The following CSF2RA variants were observed in gnomAD, a reference collection of about 807,000 sequenced individuals.
CSF2RA encodes the protein granulocyte-macrophage colony-stimulating factor receptor subunit alpha.
Under a neutral mutation model 51.6 loss-of-function variants are expected in CSF2RA, and 42 were observed. The observed-to-expected ratio is 0.81, with a 90% CI of 0.64 to 1.05. CSF2RA has a LOEUF of 1.05. Among genes scored for constraint, CSF2RA ranks in the 50% least tolerant of loss-of-function variants. The pLI, the probability that CSF2RA is intolerant of heterozygous loss-of-function variation, is 0.00. For missense variants in CSF2RA, 530 were observed against 501.1 expected, an observed-to-expected ratio of 1.06 and a Z score of -0.55; for synonymous variants, 222 against 193.0, an observed-to-expected ratio of 1.15 and a Z score of -1.24.
At chrX:1,286,082 G>A (rs1208686575) in intron 4 of CSF2RA, among the ~76,000 whole-genome samples, 162 bp downstream of exon 4, 1 of 152,062 alleles carries the variant, frequency 6.6e-6, no homozygotes, top group Non-Finnish European at 1.5e-5. Flanking sequence ...AGACCAGCCT[G>A]ACCAACATGG....
intron 2 of CSF2RA, among the ~76,000 whole-genome samples, chrX:1,280,418 C>G (rs2089744485): frequency 6.7e-6 from 1 of 149,824 alleles, no homozygotes; most frequent in Non-Finnish European, 1.5e-5. Context: ...TTGCAGTGAG[C>G]CAAGATTGCA....
Position 1,288,877 on chromosome X carries a change from A to G in CSF2RA, c.462A>G (p.Ile154Met). ...GTGACGTCCAGTATTTTTTGTACAT[A>G]CGAAACTCAAAGTAAGTGTTCACCT... ...APRDVQYFLY[I>M]RNSKRRREIR... Residue 154 changes from isoleucine to methionine, a missense_variant, in exon 6 of 13, where the codon ATA becomes ATG. By Grantham distance (10) the Ile-to-Met change is conservative (BLOSUM62 1). Coordinates refer to ENST00000381529, the MANE Select transcript of CSF2RA (RefSeq NM_172245.4). 1 of 1,606,244 alleles carries G rather than the reference A, an allele frequency of 6.2e-7. No homozygotes were observed. Among genetic ancestry groups the G allele is most frequent in the Non-Finnish European group, 8.5e-7 (1 of 1,176,410 alleles).
chrX:1,275,135 G>A (rs371977515), intron 2 of CSF2RA, among the ~76,000 whole-genome samples: 97 of 150,968 alleles, frequency 6.4e-4, no homozygotes, highest in African/African-American at 2.4e-3. Flanking sequence ...GCTCAAGCCT[G>A]TAATCCCAGC....
chrX:1,306,160 T>C (rs1329367133), intron 12 of CSF2RA, among the ~76,000 whole-genome samples: 1 of 148,510 alleles, frequency 6.7e-6, no homozygotes, highest in Non-Finnish European at 1.5e-5. Context: ...GGGAGAGAGA[T>C]GGAGGAGAGA....
intron 11 of CSF2RA, among the ~76,000 whole-genome samples, chrX:1,304,330 G>A: frequency 2.0e-5 from 2 of 97,866 alleles, no homozygotes; most frequent in Non-Finnish European, 1.9e-5. Flanking sequence ...AACCCGGGAG[G>A]TGGAGGTTGC....
chrX:1,301,895 C>T (rs28431150), intron 10 of CSF2RA, among the ~76,000 whole-genome samples: 18,180 of 147,174 alleles, frequency 0.12, 1,325 homozygotes, highest in Non-Finnish European at 0.17. Flanking sequence ...CGTGAGCCAC[C>T]GTGCCCGGCC....
rs758219814 is a variant in CSF2RA at position 1,304,013 on chromosome X, T to A, written c.1037T>A (p.Phe346Tyr). ...TGTGGCATCGTCCTCGGCTTCCTCT[T>A]TAAAAGGTAACCTGTGAAACACCTG... ...LVCGIVLGFLFKRFLRIQRLF... is the reference protein window; with the variant it reads ...LVCGIVLGFLYKRFLRIQRLF... The change falls in exon 11 of 13, where the codon TTT becomes TAT. Residue 346 changes from phenylalanine to tyrosine, a missense_variant. Transcript: ENST00000381529. The A allele has an allele frequency of 1.9e-6, 3 of 1,612,228 alleles. No homozygotes were observed. In the Admixed American group the frequency reaches 5.0e-5, roughly 27 times the overall value.
chrX:1,294,574 G>A (rs1488598116), intron 8 of CSF2RA, 113 bp downstream of exon 8: 19 of 1,401,520 alleles, frequency 1.4e-5, no homozygotes, highest in Admixed American at 7.3e-5. Flanking sequence ...CGTGGGTGGT[G>A]AGCGGTGACT....
the CSF2RA span, among the ~76,000 whole-genome samples, chrX:1,323,953 G>T: frequency 6.6e-6 from 1 of 151,978 alleles, no homozygotes; most frequent in African/African-American, 2.4e-5. Flanking sequence ...GGCCGAGGTT[G>T]TGGTGAGCCA....
At chrX:1,323,158 T>TATAAAATAAAGTAAAATAAAATAAA in the CSF2RA span, among the ~76,000 whole-genome samples, 2 of 133,956 alleles carry the variant, frequency 1.5e-5, no homozygotes, top group African/African-American at 6.7e-5. Flanking sequence ...ACATTACAAT[T>TATAAAATAAAGTAAAATAAAATAAA]ATAAAATAAA....
downstream of CSF2RA, among the ~76,000 whole-genome samples, chrX:1,314,003 TAAATA>T (rs1299630716): frequency 5.3e-5 from 8 of 151,504 alleles, no homozygotes; most frequent in Admixed American, 1.3e-4. Flanking sequence ...AATAAATGAA[TAAATA>T]AAATAAAATT....
intron 7 of CSF2RA, 76 bp from the exon 8 acceptor site, chrX:1,294,252 C>G (rs766016979): frequency 6.3e-7 from 1 of 1,576,238 alleles, no homozygotes; most frequent in Admixed American, 1.7e-5. Flanking sequence ...GGAGGAGACT[C>G]TGCACCACCT....
chrX:1,321,780 G>A, the CSF2RA span, among the ~76,000 whole-genome samples: 2 of 152,082 alleles, frequency 1.3e-5, no homozygotes, highest in African/African-American at 4.8e-5. Context: ...TCCACATCAG[G>A]CAACTCAGAT....
chrX:1,273,033 T>C (rs1271178832), intron 1 of CSF2RA, among the ~76,000 whole-genome samples: 5 of 151,876 alleles, frequency 3.3e-5, no homozygotes, highest in Non-Finnish European at 7.4e-5. Flanking sequence ...TTGGCCAGGC[T>C]GGTCTCGAAC....
intron 2 of CSF2RA, among the ~76,000 whole-genome samples, chrX:1,279,842 G>T (rs1298150666): frequency 1.3e-5 from 2 of 151,574 alleles, no homozygotes; most frequent in Non-Finnish European, 2.9e-5. Context: ...CAGGCTGGAG[G>T]GCAGTGGCGC....
chrX:1,309,746 G>T lies in CSF2RA; in HGVS notation c.*267G>T. The T allele has an allele frequency of 2.8e-6, 2 of 721,540 alleles. No individual in the cohort carries two copies. The highest frequency in any genetic ancestry group is 3.2e-5 in the South Asian group (2 of 62,786). The allele number at this position is 721,540 out of a possible 1,614,324, so 44.7% of individuals were successfully genotyped here. A position where few individuals can be genotyped will look rare whatever the true frequency, so the allele number is the denominator to read the frequency against. ...GACTAAAAATGCAGAAATTTACCCAGGCACGGCGGCGGACGCCCATCATCC... is the reference window on the plus strand; with the variant it reads ...GACTAAAAATGCAGAAATTTACCCATGCACGGCGGCGGACGCCCATCATCC... On this transcript the variant is annotated 3_prime_UTR_variant, in exon 13 of 13. Transcript: ENST00000381529.
Position 1,290,410 on chromosome X carries a change from C to A in CSF2RA, c.547C>A (p.Leu183Met). The A allele has an allele frequency of 6.2e-7, 1 of 1,613,614 alleles. No individual in the cohort carries two copies. The highest frequency in any genetic ancestry group is 8.5e-7 in the Non-Finnish European group (1 of 1,179,608). ...GTHVGCHLDN[L>M]SGLTSRNYFL... ...CCATGTGGGATGTCACCTGGATAAC[C>A]TGTCAGGATTAACGTCTCGCAATTA... is the stretch of plus-strand genomic sequence containing the variant. The change falls in exon 7 of 13, where the codon CTG (leucine) becomes ATG (methionine). Residue 183 changes from leucine (L) to methionine (M), a missense_variant. Physicochemically the swap from Leu to Met is conservative, Grantham distance 15 (BLOSUM62 2). Transcript: ENST00000381529.
At chrX:1,314,848 ATC>A, downstream of CSF2RA, among the ~76,000 whole-genome samples, 1 of 102,104 alleles carries the variant, frequency 9.8e-6, no homozygotes, top group Non-Finnish European at 2.2e-5. Context: ...CACCTGCCCA[ATC>A]CCACTGCACC....
At chrX:1,287,516 T>C in intron 4 of CSF2RA, among the ~76,000 whole-genome samples, 1 of 149,342 alleles carries the variant, frequency 6.7e-6, no homozygotes, top group East Asian at 2.0e-4. Context: ...TGATCTCAGC[T>C]CCCTGCAACC....
Sources: allele counts gnomAD v4.1 joint callset (sites outside exome capture counted in the v4.1 genomes callset), GRCh38; gene constraint gnomAD v4.1.1; transcripts MANE v1.5; gene names NCBI Gene and HGNC (gene_info 2026-07-23, HGNC 2026-07-21).